NDUFS3: variants seen among roughly 807,000 people sequenced by gnomAD.
NDUFS3 encodes the protein NADH:ubiquinone oxidoreductase core subunit S3, also known as NADH dehydrogenase [ubiquinone] iron-sulfur protein 3, mitochondrial.
NDUFS3 carries 19 observed loss-of-function variants against 30.8 expected under a neutral mutation model. The observed-to-expected ratio is 0.62, with a 90% CI of 0.43 to 0.91. NDUFS3 has a LOEUF of 0.91. NDUFS3 is among the 40% of genes least tolerant of loss of function. The pLI, the probability that NDUFS3 is intolerant of heterozygous loss-of-function variation, is 0.00. For synonymous variants in NDUFS3, 153 were observed against 135.8 expected, an observed-to-expected ratio of 1.13 and a Z score of -0.88; for missense variants, 331 against 342.0, an observed-to-expected ratio of 0.97 and a Z score of 0.25.
intron 6 of NDUFS3, among the ~76,000 whole-genome samples, chr11:47,583,920 G>T (rs1210945474): frequency 1.3e-5 from 2 of 152,200 alleles, no homozygotes; most frequent in Non-Finnish European, 2.9e-5. Flanking sequence ...CGGGCCTGAG[G>T]TTGTGTATCT....
At position 47,584,368 on chromosome 11, in the gene NDUFS3, C is replaced by G. The variant is rs780781060; in HGVS notation, c.682C>G (p.Gln228Glu). 5 of 1,614,062 alleles carry G rather than the reference C, an allele frequency of 3.1e-6. No individual in the cohort carries two copies. Among genetic ancestry groups the G allele is most frequent in the Non-Finnish European group, 4.2e-6 (5 of 1,180,008 alleles). The stretch of plus-strand genomic sequence containing the variant: ...GGTGGCAGAGCCGGTGGAGTTGGCC[C>G]AAGAGTTCCGCAAATTTGACCTGAA... ...RVVAEPVELA[Q>E]EFRKFDLNSP... Residue 228 changes from glutamine (Q) to glutamate (E), a missense_variant, in exon 7 of 7, where the codon CAA becomes GAA. By Grantham distance (29) the Gln-to-Glu change is conservative (BLOSUM62 2). Transcript: ENST00000263774.
intron 6 of NDUFS3, 132 bp downstream of exon 6, chr11:47,582,600 C>G: frequency 6.9e-7 from 1 of 1,439,164 alleles, no homozygotes; most frequent in Non-Finnish European, 9.5e-7. Flanking sequence ...GATTCAGATC[C>G]TAGCTTCATT....
At chr11:47,582,024 A>C in intron 4 of NDUFS3, 64 bp from the exon 5 acceptor site, 2 of 1,597,046 alleles carry the variant, frequency 1.3e-6, no homozygotes, top group Non-Finnish European at 1.7e-6. Context: ...GCAGGGTCAC[A>C]GGGCAGAACT....
At position 47,582,391 on chromosome 11, in the gene NDUFS3, C is replaced by A; in HGVS notation, c.550C>A (p.Leu184Ile). ...AGTCTTCTTTGCTAACCACCCTGAT[C>A]TAAGAAGGATCCTGACAGATTATGG... ...FGVFFANHPD[L>I]RRILTDYGFE... The change falls in exon 6 of 7, where the codon CTA becomes ATA. Residue 184 changes from leucine (L) to isoleucine (I), a missense_variant. By Grantham distance (5) the Leu-to-Ile change is conservative (BLOSUM62 2). Transcript: ENST00000263774. The A allele has an allele frequency of 6.2e-7, 1 of 1,614,214 alleles. No individual in the cohort carries two copies. Among genetic ancestry groups the A allele is most frequent in the African/African-American group, 1.3e-5 (1 of 75,052 alleles).
chr11:47,580,155 A>C (rs534895262), intron 2 of NDUFS3, among the ~76,000 whole-genome samples: 1 of 152,314 alleles, frequency 6.6e-6, no homozygotes, highest in East Asian at 1.9e-4. Context: ...TTGCGTGCTA[A>C]GGAGCTACAG....
At chr11:47,579,622 G>A in intron 2 of NDUFS3, 1 of 571,278 alleles carries the variant, frequency 1.8e-6, no homozygotes, top group Non-Finnish European at 3.1e-6. Context: ...TGTAATAATA[G>A]TACCTAGCGT....
At chr11:47,583,373 G>A (rs1415852043) in intron 6 of NDUFS3, among the ~76,000 whole-genome samples, 2 of 152,012 alleles carry the variant, frequency 1.3e-5, no homozygotes, top group Non-Finnish European at 2.9e-5. Flanking sequence ...TTATTGTAAT[G>A]ATCATTTTAA....
In NDUFS3 at chr11:47,579,194, C is replaced by G. The variant is rs563517864; in HGVS notation, c.67+36C>G. ...GCAGCCAGCTGAGACCGGGGTCAGG[C>G]GCAGCGGCGTGCCCAGTGCAGAGAG... On this transcript the variant is annotated intron_variant, in intron 1 of 6. Coordinates refer to ENST00000263774, the MANE Select transcript of NDUFS3 (RefSeq NM_004551.3). The G allele has an allele frequency of 2.0e-5, 33 of 1,613,482 alleles. No homozygotes were observed. In the South Asian group the frequency reaches 3.5e-4, roughly 17 times the overall value.
chr11:47,581,872 G>T, intron 4 of NDUFS3: 1 of 621,426 alleles, frequency 1.6e-6, no homozygotes, highest in South Asian at 1.8e-5. Context: ...TTGTGAGATG[G>T]ACCAGGGAAA....
chr11:47,580,090 G>C (rs1046182594), intron 2 of NDUFS3, among the ~76,000 whole-genome samples: 2 of 151,950 alleles, frequency 1.3e-5, no homozygotes, highest in African/African-American at 4.8e-5. Flanking sequence ...GAGAGAGAGA[G>C]TCTGTGAGGG....
At chr11:47,579,185 G>A (rs1381101383) in intron 1 of NDUFS3, 27 bp downstream of exon 1, 4 of 1,613,222 alleles carry the variant, frequency 2.5e-6, no homozygotes, top group East Asian at 2.2e-5. Flanking sequence ...AGCTGAGACC[G>A]GGGTCAGGCG....
At chr11:47,581,314 C>G (rs1208820621) in intron 4 of NDUFS3, 2 of 336,346 alleles carry the variant, frequency 5.9e-6, no homozygotes, top group Non-Finnish European at 1.1e-5. Context: ...CCACCACGCC[C>G]GGCTAATTTT....
chr11:47,581,600 A>G (rs551280210), intron 4 of NDUFS3: 1 of 248,300 alleles, frequency 4.0e-6, no homozygotes, highest in African/African-American at 2.2e-5. Flanking sequence ...TTAGCTATTA[A>G]TATTTTACTG....
chr11:47,579,111 C>T lies in NDUFS3; in HGVS notation c.20C>T (p.Ala7Val). The T allele has an allele frequency of 6.3e-7, 1 of 1,582,752 alleles. No homozygotes were observed. The highest frequency in any genetic ancestry group is 8.6e-7 in the Non-Finnish European group (1 of 1,166,086). ...AGTAACATGGCGGCGGCGGCGGTAG[C>T]CAGGCTGTGGTGGCGCGGGATCTTG... Reference protein sequence around the residue: MAAAAVARLWWRGILGA... With the variant: MAAAAVVRLWWRGILGA... Residue 7 changes from alanine (A) to valine (V), a missense_variant, in exon 1 of 7, where the codon GCC (alanine) becomes GTC (valine). Coordinates refer to ENST00000263774, the MANE Select transcript of NDUFS3 (RefSeq NM_004551.3).
intron 4 of NDUFS3, 56 bp from the exon 5 acceptor site, chr11:47,582,032 A>C (rs576035832): frequency 6.2e-7 from 1 of 1,604,958 alleles, no homozygotes; most frequent in East Asian, 2.2e-5. Flanking sequence ...ACAGGGCAGA[A>C]CTCTCCCAAT....
chr11:47,582,953 C>T (rs986441845), intron 6 of NDUFS3, among the ~76,000 whole-genome samples: 7 of 152,042 alleles, frequency 4.6e-5, no homozygotes, highest in Admixed American at 2.6e-4. Flanking sequence ...GCCGAGATCA[C>T]GCCACTGCTC....
rs530013701 is a variant in NDUFS3, at chr11:47,581,315, G to A, written c.381+331G>A. 1.1e-4 allele frequency: 37 copies of A among 336,410 alleles called. 1 individual carries two copies. The highest frequency in any genetic ancestry group is 2.8e-4 in the African/African-American group (13 of 46,560). 20.8% of individuals were successfully genotyped at this position (336,410 alleles called of 1,614,324 possible). On this transcript the variant is annotated intron_variant, in intron 4 of 6. Coordinates refer to ENST00000263774, the MANE Select transcript of NDUFS3 (RefSeq NM_004551.3). Reference sequence around the variant, plus strand: ...ACTACAGGTGCATGCCACCACGCCCGGCTAATTTTTTGTATTTTTTTAGTG... The same window carrying A: ...ACTACAGGTGCATGCCACCACGCCCAGCTAATTTTTTGTATTTTTTTAGTG...
At chr11:47,580,287 G>C (rs573400970) in intron 2 of NDUFS3, among the ~76,000 whole-genome samples, 1 of 152,278 alleles carries the variant, frequency 6.6e-6, no homozygotes, top group Admixed American at 6.5e-5. Context: ...TTTGAGAAGA[G>C]GTGAACACCC....
intron 6 of NDUFS3, among the ~76,000 whole-genome samples, chr11:47,584,065 G>C (rs2097269983): frequency 6.6e-6 from 1 of 152,210 alleles, no homozygotes; most frequent in African/African-American, 2.4e-5. Context: ...GTGAGCAGGG[G>C]AATCTGACTG....
Sources: allele counts gnomAD v4.1 joint callset (sites outside exome capture counted in the v4.1 genomes callset), GRCh38; gene constraint gnomAD v4.1.1; transcripts MANE v1.5; gene names NCBI Gene and HGNC (gene_info 2026-07-23, HGNC 2026-07-21).